Variants in DAAM1 observed in about 807,000 individuals in gnomAD.
DAAM1 encodes disheveled-associated activator of morphogenesis 1.
A neutral mutation model predicts 130.0 loss-of-function variants in DAAM1; 52 were observed. The observed-to-expected ratio is 0.40, with a 90% CI of 0.32 to 0.50. The LOEUF (loss-of-function observed/expected upper bound fraction) is 0.50. Among genes scored for constraint, DAAM1 ranks in the 20% least tolerant of loss-of-function variants. The pLI, the probability that DAAM1 is intolerant of heterozygous loss-of-function variation, is 0.61. For missense variants in DAAM1, 1,134 were observed against 1,303.8 expected (o/e 0.87, Z 2.01); for synonymous variants, 452 against 444.5 (o/e 1.02, Z -0.21).
chr14:59,324,323 A>C, intron 7 of DAAM1, 28 bp from the exon 8 acceptor site: 2 of 1,520,142 alleles, frequency 1.3e-6, no homozygotes, highest in Non-Finnish European at 1.8e-6. Context: ...AACCACAAAT[A>C]TGTATTTTAT....
At chr14:59,364,082 A>C (rs1321738683) in intron 23 of DAAM1, among the ~76,000 whole-genome samples, 1 of 152,166 alleles carries the variant, frequency 6.6e-6, no homozygotes, top group African/African-American at 2.4e-5. Context: ...ATACTTTGAC[A>C]GTTTTCTCTT....
At chr14:59,227,314 A>G (rs138064883) in intron 1 of DAAM1, among the ~76,000 whole-genome samples, 2 of 152,204 alleles carry the variant, frequency 1.3e-5, no homozygotes, top group African/African-American at 4.8e-5. Context: ...TCCTGAAAGT[A>G]TGCTTTCAGG....
intron 1 of DAAM1, among the ~76,000 whole-genome samples, chr14:59,212,636 G>A (rs1052239089): frequency 6.6e-6 from 1 of 152,160 alleles, no homozygotes; most frequent in East Asian, 1.9e-4. Flanking sequence ...TACCCAGCTT[G>A]GACATGCCTC....
intron 4 of DAAM1, among the ~76,000 whole-genome samples, chr14:59,316,881 T>C (rs188875890): frequency 4.8e-4 from 73 of 152,366 alleles, no homozygotes; most frequent in African/African-American, 1.7e-3. Flanking sequence ...GGGGAACTAC[T>C]AAGTACTGTA....
chr14:59,192,460 T>C (rs1232168857), intron 1 of DAAM1, among the ~76,000 whole-genome samples: 1 of 152,174 alleles, frequency 6.6e-6, no homozygotes, highest in African/African-American at 2.4e-5. Flanking sequence ...ACAGAGCTTG[T>C]AACTGCTGTG....
intron 1 of DAAM1, among the ~76,000 whole-genome samples, chr14:59,196,977 G>A (rs1366784683): frequency 6.6e-6 from 1 of 152,026 alleles, no homozygotes. Flanking sequence ...CTGGAGTGCA[G>A]TGGCGCGATC....
intron 4 of DAAM1, among the ~76,000 whole-genome samples, chr14:59,316,703 G>A (rs1884808642): frequency 6.6e-6 from 1 of 152,156 alleles, no homozygotes; most frequent in Non-Finnish European, 1.5e-5. Flanking sequence ...ATCTGCCTAA[G>A]CAATAATAAT....
At chr14:59,330,473 T>C (rs764783176) in intron 12 of DAAM1, 28 bp from the exon 13 acceptor site, 9 of 1,547,412 alleles carry the variant, frequency 5.8e-6, no homozygotes, top group Non-Finnish European at 7.8e-6. Flanking sequence ...ACTCTCCTGT[T>C]TTCATGTCCA....
intron 1 of DAAM1, among the ~76,000 whole-genome samples, chr14:59,203,244 A>G (rs999905871): frequency 6.9e-6 from 1 of 143,998 alleles, no homozygotes. Flanking sequence ...TCCTGACCTC[A>G]TGATCTGCCC....
intron 8 of DAAM1, 82 bp downstream of exon 8, chr14:59,324,536 G>T: frequency 1.3e-6 from 1 of 793,504 alleles, no homozygotes; most frequent in Non-Finnish European, 1.8e-6. Context: ...GCTGGCCTGT[G>T]GTTACTTGTG....
At chr14:59,342,188 A>G (rs1346956812) in intron 16 of DAAM1, among the ~76,000 whole-genome samples, 1 of 152,182 alleles carries the variant, frequency 6.6e-6, no homozygotes, top group Non-Finnish European at 1.5e-5. Context: ...ATTAAAATCC[A>G]GTTTAGTGTA....
chr14:59,229,419 C>T (rs1889038046), intron 1 of DAAM1, among the ~76,000 whole-genome samples: 1 of 152,190 alleles, frequency 6.6e-6, no homozygotes, highest in Admixed American at 6.5e-5. Context: ...GTCTTTATGA[C>T]ATACTGATAT....
chr14:59,345,792 C>A (rs530645559), intron 16 of DAAM1, among the ~76,000 whole-genome samples: 2 of 152,128 alleles, frequency 1.3e-5, no homozygotes, highest in Non-Finnish European at 2.9e-5. Flanking sequence ...ACTGTAATCA[C>A]TGTTAAAATA....
rs869233694 is a variant in DAAM1 at position 59,225,019 on chromosome 14, G to GTTTTTTTTTTTT, written c.-38+36267_-38+36278dup. On this transcript the variant is annotated intron_variant, in intron 1 of 24. Transcript: ENST00000360909. ...GACTGTAAGAAATAAATCTGTGTGG[G>GTTTTTTTTTTTT]TTTTTTTTTTTTTTTTTTTTTTTTT... is the stretch of plus-strand genomic sequence containing the variant. 2.6e-4 allele frequency among the ~76,000 whole-genome samples: 24 copies of GTTTTTTTTTTTT among 90,806 alleles called. 3 individuals carry two copies. The highest frequency in any genetic ancestry group is 8.1e-4 in the South Asian group (2 of 2,480). The allele number at this position is 90,806 out of a possible 152,430, so 59.6% of individuals were successfully genotyped here. A position where few individuals can be genotyped will look rare whatever the true frequency, so the allele number is the denominator to read the frequency against.
At chr14:59,208,912 TG>T (rs1357096070) in intron 1 of DAAM1, among the ~76,000 whole-genome samples, 1 of 152,214 alleles carries the variant, frequency 6.6e-6, no homozygotes, top group African/African-American at 2.4e-5. Flanking sequence ...TGTGATGTAC[TG>T]GCTTCCCTCT....
Position 59,347,600 on chromosome 14 carries a change from C to T in DAAM1, c.2137C>T (p.Leu713=). The T allele has an allele frequency of 6.2e-7, 1 of 1,613,858 alleles. No individual in the cohort carries two copies. The highest frequency in any genetic ancestry group is 8.5e-7 in the Non-Finnish European group (1 of 1,179,858). ...TCTAACAATGGACGAACAGGAAGATCTGCCCAAGGACATGTTGGAACAGGT... is the reference window on the plus strand; with the variant it reads ...TCTAACAATGGACGAACAGGAAGATTTGCCCAAGGACATGTTGGAACAGGT... ...AILTMDEQED[L]PKDMLEQLLK... is the part of the protein sequence containing the mutation. The change falls in exon 17 of 25, where the codon CTG becomes TTG. Residue 713 remains leucine (L), a synonymous_variant. Coordinates refer to ENST00000360909, the MANE Select transcript of DAAM1 (RefSeq NM_001270520.2).
chr14:59,345,535 A>G (rs1389293360), intron 16 of DAAM1, among the ~76,000 whole-genome samples: 2 of 152,190 alleles, frequency 1.3e-5, no homozygotes, highest in Non-Finnish European at 2.9e-5. Context: ...AATAACATTC[A>G]GTTTAAATAG....
chr14:59,303,754 G>C (rs750277117), intron 3 of DAAM1, among the ~76,000 whole-genome samples: 13 of 152,086 alleles, frequency 8.5e-5, no homozygotes, highest in Non-Finnish European at 1.5e-4. Context: ...ACAAAAATTA[G>C]CTGGGCATGG....
intron 2 of DAAM1, among the ~76,000 whole-genome samples, chr14:59,274,983 T>C (rs367575747): frequency 6.6e-6 from 1 of 152,242 alleles, no homozygotes; most frequent in Non-Finnish European, 1.5e-5. Flanking sequence ...GGAAGACTTA[T>C]TCTGCTAGAT....
Sources: allele counts gnomAD v4.1 joint callset (sites outside exome capture counted in the v4.1 genomes callset), GRCh38; gene constraint gnomAD v4.1.1; transcripts MANE v1.5; gene names NCBI Gene and HGNC (gene_info 2026-07-23, HGNC 2026-07-21).